The following SEC31A variants were observed in gnomAD, a reference collection of about 807,000 sequenced individuals.
SEC31A encodes protein transport protein Sec31A.
SEC31A carries 70 observed loss-of-function variants against 151.0 expected under a neutral mutation model. The ratio of observed to expected loss-of-function variants is 0.46; its 90% CI spans 0.38 to 0.57. The LOEUF is 0.57. Among genes scored for constraint, SEC31A ranks in the 20% least tolerant of loss-of-function variants. SEC31A has a pLI of 0.00. For synonymous variants in SEC31A, 475 were observed against 505.9 expected (o/e 0.94, Z 0.82); for missense variants, 1,330 against 1,471.2 (o/e 0.90, Z 1.57).
chr4:82,889,745 A>G (rs1741850103), intron 1 of SEC31A, among the ~76,000 whole-genome samples: 1 of 152,174 alleles, frequency 6.6e-6, no homozygotes, highest in Non-Finnish European at 1.5e-5. Flanking sequence ...TATAAAATTA[A>G]GCAATATCAT....
chr4:82,860,673 C>G (rs1578273544), intron 14 of SEC31A, among the ~76,000 whole-genome samples: 1 of 151,752 alleles, frequency 6.6e-6, no homozygotes, highest in African/African-American at 2.4e-5. Flanking sequence ...TAGGGTCTCA[C>G]TATGTTGTCC....
chr4:82,900,535 C>G (rs1720274345), exon 1 of SEC31A: 2 of 521,030 alleles, frequency 3.8e-6, no homozygotes, highest in African/African-American at 4.0e-5. Flanking sequence ...ACCCACTATT[C>G]CGCCTCCAAC....
chr4:82,852,313 T>C (rs944294248), intron 18 of SEC31A, among the ~76,000 whole-genome samples: 24 of 152,164 alleles, frequency 1.6e-4, no homozygotes, highest in African/African-American at 5.6e-4. Flanking sequence ...AATGGACTAA[T>C]ACAACATCAC....
At chr4:82,845,294 C>G (rs1314288538) in intron 20 of SEC31A, 3 of 1,461,474 alleles carry the variant, frequency 2.1e-6, no homozygotes, top group Non-Finnish European at 2.7e-6. Flanking sequence ...CAATTCTAAC[C>G]TGAATTGAAC....
At chr4:82,841,440 TTTTATATA>T (rs1004396279) in intron 22 of SEC31A, among the ~76,000 whole-genome samples, 1,431 of 18,356 alleles carry the variant, frequency 0.078, 45 homozygotes, top group Non-Finnish European at 0.2. Context: ...AAAAAAAAAA[TTTTATATA>T]TATATATATA....
chr4:82,890,118 C>T (rs1483230129), intron 1 of SEC31A, among the ~76,000 whole-genome samples: 2 of 148,032 alleles, frequency 1.4e-5, no homozygotes, highest in Non-Finnish European at 3.0e-5. Flanking sequence ...ATCCCAGCTA[C>T]TCAGGAGGCT....
At chr4:82,862,115 G>A (rs1341329660) in intron 13 of SEC31A, among the ~76,000 whole-genome samples, 2 of 151,438 alleles carry the variant, frequency 1.3e-5, no homozygotes, top group Admixed American at 6.6e-5. Flanking sequence ...GTTTCACCAT[G>A]TTGGTCAGGC....
chr4:82,839,906 G>T (rs913218887), intron 22 of SEC31A, among the ~76,000 whole-genome samples: 1 of 152,186 alleles, frequency 6.6e-6, no homozygotes, highest in Non-Finnish European at 1.5e-5. Context: ...AGGAGAAAAA[G>T]AATATCTATG....
chr4:82,895,449 AAC>A (rs1720024119), upstream of SEC31A: 2 of 152,226 alleles, frequency 1.3e-5, no homozygotes, highest in South Asian at 2.1e-4. Flanking sequence ...CAGCCTGGGC[AAC>A]AGAGTGAGAC....
intron 1 of SEC31A, among the ~76,000 whole-genome samples, chr4:82,883,594 C>T (rs1377102826): frequency 2.6e-5 from 4 of 152,174 alleles, no homozygotes; most frequent in South Asian, 2.1e-4. Context: ...CTTTAGGAGC[C>T]GAAGCAAGTG....
rs747620041 is a variant in SEC31A at position 82,829,036 on chromosome 4, G to T, written c.2991C>A (p.Asp997Glu). ...TGGGTACTCTGTTCAAAGCTGGAGG[G>T]TCATTCCAACCATTCTGAGGACCTA... ...QRTGPQNGWN[D>E]PPALNRVPKK... Residue 997 changes from aspartate to glutamate, a missense_variant, in exon 23 of 27, where the codon GAC becomes GAA. By Grantham distance (45) the Asp-to-Glu change is conservative. Coordinates refer to ENST00000395310, the MANE Select transcript of SEC31A (RefSeq NM_001077207.4). 1.2e-6 allele frequency: 2 copies of T among 1,613,422 alleles called. No homozygotes were observed. Among genetic ancestry groups the T allele is most frequent in the African/African-American group, 2.7e-5 (2 of 74,866 alleles).
At chr4:82,858,247 C>T (rs1733148547) in intron 14 of SEC31A, among the ~76,000 whole-genome samples, 1 of 151,402 alleles carries the variant, frequency 6.6e-6, no homozygotes, top group Admixed American at 6.6e-5. Context: ...CCCGTCTCTA[C>T]TAAAATACAA....
In SEC31A at chr4:82,882,850, G is replaced by C. The variant is rs564974796; in HGVS notation, c.-4-910C>G. On this transcript the variant is annotated intron_variant, in intron 1 of 26. Transcript: ENST00000395310. Reference sequence around the variant, plus strand: ...TACTTTGATGGAGTCAGGCATGGTGGCTCATGCTTGCAATCGCAGCACTTT... The same window carrying C: ...TACTTTGATGGAGTCAGGCATGGTGCCTCATGCTTGCAATCGCAGCACTTT... 8.9e-4 allele frequency among the ~76,000 whole-genome samples: 136 copies of C among 152,282 alleles called. 1 individual carries two copies. The highest frequency in any genetic ancestry group is 2.1e-3 in the East Asian group (11 of 5,190).
rs2125993646 is a variant in SEC31A, at chr4:82,891,124, T to C, written c.-41A>G. 7 of 1,535,930 alleles carry C rather than the reference T, an allele frequency of 4.6e-6. No homozygotes were observed. The East Asian group carries it at 9.8e-5, about 21-fold the overall frequency. On this transcript the variant is annotated 5_prime_UTR_variant, in exon 1 of 27. Coordinates refer to ENST00000395310, the MANE Select transcript of SEC31A (RefSeq NM_001077207.4). The stretch of plus-strand genomic sequence containing the variant: ...CTTCGGCAGCCGGATCCTGCGTTAG[T>C]GCAGCGCTCGTCGGACTCTCCCAGC...
intron 25 of SEC31A, among the ~76,000 whole-genome samples, chr4:82,824,202 A>G (rs1461537690): frequency 1.3e-5 from 2 of 152,126 alleles, no homozygotes; most frequent in African/African-American, 4.8e-5. Context: ...GAATTCTTTT[A>G]TTTTATTATA....
chr4:82,845,990 T>C (rs531450555), intron 20 of SEC31A, among the ~76,000 whole-genome samples: 1 of 152,028 alleles, frequency 6.6e-6, no homozygotes, highest in Non-Finnish European at 1.5e-5. Context: ...GCCATTGTTT[T>C]TTTGTTTGTT....
In SEC31A at chr4:82,861,631, C is replaced by T. The variant is rs1261597569; in HGVS notation, c.1626G>A (p.Glu542=). 1.3e-6 allele frequency: 2 copies of T among 1,595,934 alleles called. No homozygotes were observed. Among genetic ancestry groups the T allele is most frequent in the Admixed American group, 1.7e-5 (1 of 58,898 alleles). ...TATAATATGAAAAAAAAATAAGTAC[C>T]TCTCCCAAGAGCTGCTCTTCAGCAG... ...SPAAEEQLLG[E]HIKEEKEESE... The change falls in exon 14 of 27, where the codon GAG becomes GAA. Residue 542 remains glutamate, a splice_region_variant and synonymous_variant. Coordinates refer to ENST00000395310, the MANE Select transcript of SEC31A (RefSeq NM_001077207.4).
intron 22 of SEC31A, among the ~76,000 whole-genome samples, chr4:82,832,047 GA>G (rs1225454837): frequency 6.6e-6 from 1 of 152,040 alleles, no homozygotes; most frequent in African/African-American, 2.4e-5. Context: ...TATAGAATTG[GA>G]AAAAACTACT....
At position 82,829,017 on chromosome 4, in the gene SEC31A, C is replaced by G; in HGVS notation, c.3010G>C (p.Val1004Leu). Reference sequence around the variant, plus strand: ...TCTAGTACCTTCTTCTTTTTGGGTACTCTGTTCAAAGCTGGAGGGTCATTC... The same window carrying G: ...TCTAGTACCTTCTTCTTTTTGGGTAGTCTGTTCAAAGCTGGAGGGTCATTC... ...GWNDPPALNR[V>L]PKKKKMPENF... is the part of the protein sequence containing the mutation. Residue 1004 changes from valine to leucine, a missense_variant, in exon 23 of 27, where the codon GTA becomes CTA. Val to Leu is a conservative substitution (Grantham distance 32). Coordinates refer to ENST00000395310, the MANE Select transcript of SEC31A (RefSeq NM_001077207.4). 1 of 1,613,720 alleles carries G rather than the reference C, an allele frequency of 6.2e-7. No homozygotes were observed. The highest frequency in any genetic ancestry group is 8.5e-7 in the Non-Finnish European group (1 of 1,179,684).
Sources: allele counts gnomAD v4.1 joint callset (sites outside exome capture counted in the v4.1 genomes callset), GRCh38; gene constraint gnomAD v4.1.1; transcripts MANE v1.5; gene names NCBI Gene and HGNC (gene_info 2026-07-23, HGNC 2026-07-21).